Variants in EXOC6B observed in about 807,000 individuals in gnomAD.
EXOC6B encodes SEC15 homolog B.
In EXOC6B, 54 loss-of-function variants were observed where a neutral mutation model predicts 113.5. That is an observed-to-expected ratio of 0.48 (90% CI 0.38 to 0.60). EXOC6B has a LOEUF of 0.60. Among genes scored for constraint, EXOC6B ranks in the 20% least tolerant of loss-of-function variants. The probability of loss-of-function intolerance (pLI) is 0.00; values close to 1 mark genes in which losing one functional copy is unlikely to be tolerated. For missense variants in EXOC6B, 797 were observed against 977.5 expected, an observed-to-expected ratio of 0.82 and a Z score of 2.46; for synonymous variants, 357 against 339.0, an observed-to-expected ratio of 1.05 and a Z score of -0.58.
At chr2:72,522,845 G>A (rs1197463851) in intron 8 of EXOC6B, among the ~76,000 whole-genome samples, 2 of 152,046 alleles carry the variant, frequency 1.3e-5, no homozygotes, top group African/African-American at 4.8e-5. Context: ...TCTTTTCATT[G>A]AACTTTGCAT....
intron 20 of EXOC6B, among the ~76,000 whole-genome samples, chr2:72,287,976 G>A (rs1044265812): frequency 3.3e-5 from 5 of 152,086 alleles, no homozygotes; most frequent in African/African-American, 9.7e-5. Flanking sequence ...TCTAAAACCT[G>A]AAAAGGCTAT....
At chr2:72,488,044 A>G (rs977491011) in intron 16 of EXOC6B, among the ~76,000 whole-genome samples, 5 of 152,132 alleles carry the variant, frequency 3.3e-5, no homozygotes, top group South Asian at 2.1e-4. Context: ...AACCTACTCA[A>G]TCAGGAGTTT....
chr2:72,405,394 T>G (rs533556735), intron 18 of EXOC6B, among the ~76,000 whole-genome samples: 20 of 152,242 alleles, frequency 1.3e-4, no homozygotes, highest in Middle Eastern at 3.4e-3. Flanking sequence ...CCAAGACACA[T>G]AATTGTCAGA....
In EXOC6B at chr2:72,228,104, T is replaced by C. The variant is rs910000821; in HGVS notation, c.2197-43917A>G. On this transcript the variant is annotated intron_variant, in intron 20 of 21. Transcript: ENST00000272427. ...TTCGGATTTTACCAGGAGAAGGATG[T>C]TTGGTTTTGGTCATTTAGGCAAAGG... 2.6e-5 allele frequency among the ~76,000 whole-genome samples: 4 copies of C among 152,064 alleles called. No individual in the cohort carries two copies. The East Asian group carries it at 7.7e-4, about 29-fold the overall frequency.
At chr2:72,528,337 T>C (rs540214312) in intron 8 of EXOC6B, among the ~76,000 whole-genome samples, 1 of 152,204 alleles carries the variant, frequency 6.6e-6, no homozygotes, top group Non-Finnish European at 1.5e-5. Context: ...TGTTGAATTA[T>C]TTTTGTCTAA....
At chr2:72,370,317 A>G (rs955382223) in intron 19 of EXOC6B, among the ~76,000 whole-genome samples, 4 of 152,234 alleles carry the variant, frequency 2.6e-5, no homozygotes, top group African/African-American at 9.6e-5. Flanking sequence ...ATGAGATACC[A>G]TCTCACACCA....
intron 1 of EXOC6B, among the ~76,000 whole-genome samples, chr2:72,789,058 A>C (rs1233205480): frequency 6.6e-6 from 1 of 152,174 alleles, no homozygotes; most frequent in Non-Finnish European, 1.5e-5. Flanking sequence ...ATCTCTTCTA[A>C]AAACACTGAT....
At chr2:72,558,903 T>C (rs923354699) in intron 8 of EXOC6B, among the ~76,000 whole-genome samples, 2 of 152,110 alleles carry the variant, frequency 1.3e-5, no homozygotes, top group Non-Finnish European at 2.9e-5. Context: ...AAATCGATAA[T>C]AGGCTTCTCT....
intron 17 of EXOC6B, among the ~76,000 whole-genome samples, chr2:72,475,104 G>A (rs1460509445): frequency 6.6e-6 from 1 of 152,146 alleles, no homozygotes; most frequent in Non-Finnish European, 1.5e-5. Context: ...TGTAACACCA[G>A]GTAGGTCGGT....
intron 20 of EXOC6B, among the ~76,000 whole-genome samples, chr2:72,329,163 C>T (rs770830130): frequency 6.6e-6 from 1 of 152,100 alleles, no homozygotes; most frequent in Admixed American, 6.6e-5. Flanking sequence ...TACCTACCCC[C>T]ACACTTCTCT....
intron 18 of EXOC6B, among the ~76,000 whole-genome samples, chr2:72,396,919 A>C (rs1337618533): frequency 6.6e-6 from 1 of 152,138 alleles, no homozygotes. Flanking sequence ...CAACAAATTC[A>C]GAAAATTTTC....
intron 2 of EXOC6B, among the ~76,000 whole-genome samples, chr2:72,736,764 C>T (rs536990331): frequency 6.6e-6 from 1 of 152,228 alleles, no homozygotes; most frequent in Admixed American, 6.5e-5. Flanking sequence ...TAACCAGAGA[C>T]AAAACATTGT....
At position 72,733,064 on chromosome 2, in the gene EXOC6B, G is replaced by A. The variant is rs1386970500; in HGVS notation, c.327+7C>T. 1.3e-6 allele frequency: 2 copies of A among 1,577,728 alleles called. No homozygotes were observed. Among genetic ancestry groups the A allele is most frequent in the Non-Finnish European group, 1.7e-6 (2 of 1,155,686 alleles). Reference sequence around the variant, plus strand: ...AAAGATTTCTTCAAAAGGTAAACTGGTCTTACTTCCTTTCCCTCATGTTGT... The same window carrying A: ...AAAGATTTCTTCAAAAGGTAAACTGATCTTACTTCCTTTCCCTCATGTTGT... On this transcript the variant is annotated splice_region_variant and intron_variant, in intron 3 of 21. Coordinates refer to ENST00000272427, the MANE Select transcript of EXOC6B (RefSeq NM_015189.3).
At chr2:72,405,907 C>T (rs924251023) in intron 18 of EXOC6B, among the ~76,000 whole-genome samples, 7 of 152,212 alleles carry the variant, frequency 4.6e-5, no homozygotes, top group Admixed American at 6.5e-5. Flanking sequence ...CACAGACTGG[C>T]AAATTGGATA....
chr2:72,432,931 A>G (rs184037906), intron 18 of EXOC6B, among the ~76,000 whole-genome samples: 42 of 152,206 alleles, frequency 2.8e-4, no homozygotes, highest in Non-Finnish European at 5.0e-4. Context: ...CCATTTGTCA[A>G]TTTTGGCTTT....
At chr2:72,557,813 TA>T (rs1558793955) in intron 8 of EXOC6B, among the ~76,000 whole-genome samples, 1 of 152,014 alleles carries the variant, frequency 6.6e-6, no homozygotes, top group Non-Finnish European at 1.5e-5. Context: ...AAATTTTTTT[TA>T]AAAAAAGAAT....
At chr2:72,498,711 C>T (rs1700172185) in intron 12 of EXOC6B, among the ~76,000 whole-genome samples, 160 bp from the exon 13 acceptor site, 1 of 151,226 alleles carries the variant, frequency 6.6e-6, no homozygotes, top group Non-Finnish European at 1.5e-5. Flanking sequence ...TTCATTCACA[C>T]CTAATATCTA....
At chr2:72,784,864 A>C (rs1684278791) in intron 1 of EXOC6B, among the ~76,000 whole-genome samples, 1 of 152,110 alleles carries the variant, frequency 6.6e-6, no homozygotes, top group African/African-American at 2.4e-5. Flanking sequence ...AGTCCCCCAA[A>C]GTCTCTACTC....
At chr2:72,217,544 A>G (rs1036603521) in intron 20 of EXOC6B, among the ~76,000 whole-genome samples, 3 of 151,616 alleles carry the variant, frequency 2.0e-5, no homozygotes, top group African/African-American at 7.3e-5. Flanking sequence ...AGAAAGAAAA[A>G]CTCCCCCATT....
Sources: allele counts gnomAD v4.1 joint callset (sites outside exome capture counted in the v4.1 genomes callset), GRCh38; gene constraint gnomAD v4.1.1; transcripts MANE v1.5; gene names NCBI Gene and HGNC (gene_info 2026-07-23, HGNC 2026-07-21).